Variants in HFM1 observed in about 807,000 individuals in gnomAD.
HFM1 encodes the protein probable ATP-dependent DNA helicase HFM1.
In HFM1, 169 loss-of-function variants were observed where a neutral mutation model predicts 192.1. That is an observed-to-expected ratio of 0.88 (90% confidence interval 0.78 to 1.00). HFM1 has a LOEUF of 1.00. HFM1 is among the 50% of genes least tolerant of loss of function. HFM1 has a pLI of 0.00. For synonymous variants in HFM1, 525 were observed against 537.8 expected (o/e 0.98, Z 0.33); for missense variants, 1,661 against 1,668.0 (o/e 1.00, Z 0.07).
chr1:91,392,026 G>T (rs1291311559), intron 4 of HFM1, among the ~76,000 whole-genome samples: 1 of 152,172 alleles, frequency 6.6e-6, no homozygotes, highest in African/African-American at 2.4e-5. Context: ...TCAGAGAAAT[G>T]AAAATCAAAA....
chr1:91,393,283 CA>C (rs768061860), intron 4 of HFM1, among the ~76,000 whole-genome samples: 10 of 152,102 alleles, frequency 6.6e-5, no homozygotes, highest in Non-Finnish European at 1.5e-4. Context: ...CTTTCTCTCT[CA>C]AACTCCACAG....
In HFM1 at chr1:91,267,733, G is replaced by C. The variant is rs1177088934; in HGVS notation, c.3883+12C>G. On this transcript the variant is annotated intron_variant, in intron 35 of 38. Transcript: ENST00000370425. Reference sequence around the variant, plus strand: ...TCCTAATGAAATGATTGCATGCTAAGTATGATTTTACCTGATATTTTTGTC... The same window carrying C: ...TCCTAATGAAATGATTGCATGCTAACTATGATTTTACCTGATATTTTTGTC... 8.7e-7 allele frequency: 1 copy of C among 1,145,300 alleles called. No homozygotes were observed. The highest frequency in any genetic ancestry group is 1.3e-6 in the Non-Finnish European group (1 of 799,978). The allele number at this position is 1,145,300 out of a possible 1,614,324, so 70.9% of individuals were successfully genotyped here. A position where few individuals can be genotyped will look rare whatever the true frequency, so the allele number is the denominator to read the frequency against.
chr1:91,351,695 A>G (rs1054798275), intron 16 of HFM1, 52 bp from the exon 17 acceptor site: 5 of 909,830 alleles, frequency 5.5e-6, no homozygotes, highest in African/African-American at 1.7e-5. Flanking sequence ...TCTTGGTAGC[A>G]GTCCTCTTCA....
chr1:91,264,574 C>G (rs1345385224), intron 36 of HFM1, among the ~76,000 whole-genome samples: 1 of 150,102 alleles, frequency 6.7e-6, no homozygotes, highest in Non-Finnish European at 1.5e-5. Context: ...GGGGTTTCAC[C>G]GTGTTAGCCA....
At chr1:91,354,132 A>G (rs1209292111) in intron 13 of HFM1, among the ~76,000 whole-genome samples, 3 of 151,812 alleles carry the variant, frequency 2.0e-5, no homozygotes, top group Admixed American at 2.0e-4. Context: ...TTATCTGCAC[A>G]AGAAAGTTAT....
chr1:91,304,907 T>C (rs1433482935), intron 30 of HFM1, among the ~76,000 whole-genome samples: 1 of 152,204 alleles, frequency 6.6e-6, no homozygotes, highest in African/African-American at 2.4e-5. Flanking sequence ...GCCCTATTAC[T>C]TGAAAAATTA....
At chr1:91,319,469 T>C in intron 23 of HFM1, 79 bp from the exon 24 acceptor site, 1 of 886,214 alleles carries the variant, frequency 1.1e-6, no homozygotes, top group Non-Finnish European at 1.8e-6. Flanking sequence ...CACTGAAGTA[T>C]TCCTTCTTAA....
intron 30 of HFM1, among the ~76,000 whole-genome samples, chr1:91,305,017 T>C (rs1649399201): frequency 6.6e-6 from 1 of 152,216 alleles, no homozygotes; most frequent in African/African-American, 2.4e-5. Context: ...TTGTATTCCA[T>C]TGATCTTTAT....
intron 23 of HFM1, among the ~76,000 whole-genome samples, chr1:91,321,896 A>T (rs1048157952): frequency 4.6e-5 from 7 of 152,222 alleles, no homozygotes. Flanking sequence ...GTGGAAAAAT[A>T]CTTGATTTAA....
chr1:91,363,787 A>C (rs984698274), intron 13 of HFM1, among the ~76,000 whole-genome samples: 2 of 152,192 alleles, frequency 1.3e-5, no homozygotes, highest in African/African-American at 2.4e-5. Context: ...AATCAACCTA[A>C]ATGCCCATCA....
chr1:91,320,131 T>C (rs1331070233), intron 23 of HFM1, among the ~76,000 whole-genome samples: 1 of 152,216 alleles, frequency 6.6e-6, no homozygotes, highest in Non-Finnish European at 1.5e-5. Context: ...ATTACTCTCT[T>C]AAGGGGATCT....
At chr1:91,373,175 A>G (rs1465755412) in intron 13 of HFM1, among the ~76,000 whole-genome samples, 1 of 151,352 alleles carries the variant, frequency 6.6e-6, no homozygotes, top group East Asian at 1.9e-4. Flanking sequence ...TGTAAAGAAG[A>G]CTAAATTGGC....
At chr1:91,321,810 GA>G (rs1652158096) in intron 23 of HFM1, among the ~76,000 whole-genome samples, 1 of 152,150 alleles carries the variant, frequency 6.6e-6, no homozygotes, top group Non-Finnish European at 1.5e-5. Context: ...TCAATCAAAA[GA>G]ATATACTACC....
chr1:91,290,754 T>G (rs1430226540), intron 30 of HFM1, among the ~76,000 whole-genome samples: 2 of 152,088 alleles, frequency 1.3e-5, no homozygotes, highest in African/African-American at 2.4e-5. Flanking sequence ...ATACATTTTT[T>G]TCAGCACCAC....
At chr1:91,384,200 T>C (rs1661896829) in intron 6 of HFM1, among the ~76,000 whole-genome samples, 1 of 152,206 alleles carries the variant, frequency 6.6e-6, no homozygotes, top group African/African-American at 2.4e-5. Context: ...TTCCTTACTT[T>C]ACCTGCCTTA....
chr1:91,359,979 G>C (rs1658281000), intron 13 of HFM1, among the ~76,000 whole-genome samples: 1 of 152,072 alleles, frequency 6.6e-6, no homozygotes, highest in Non-Finnish European at 1.5e-5. Context: ...CATTCTTAAA[G>C]AAAAAAATTT....
chr1:91,293,352 A>G (rs1669003629), intron 30 of HFM1, among the ~76,000 whole-genome samples: 1 of 152,216 alleles, frequency 6.6e-6, no homozygotes, highest in African/African-American at 2.4e-5. Context: ...AAACAAATTT[A>G]TAAGAAAAAA....
Position 91,261,314 on chromosome 1 carries a change from C to A in HFM1, c.4284G>T (p.Leu1428Phe). The A allele has an allele frequency of 7.1e-7, 1 of 1,411,676 alleles. No homozygotes were observed. The highest frequency in any genetic ancestry group is 9.4e-7 in the Non-Finnish European group (1 of 1,067,872). The allele number at this position is 1,411,676 out of a possible 1,614,324, so 87.4% of individuals were successfully genotyped here. A position where few individuals can be genotyped will look rare whatever the true frequency, so the allele number is the denominator to read the frequency against. The stretch of plus-strand genomic sequence containing the variant: ...TTTAGAAAATACCATCAAATATTCC[C>A]AATAAAGACTTCATTTCATCAGCTT... ...DDEADEMKSLLGIFDGIF is the reference protein window; with the variant it reads ...DDEADEMKSLFGIFDGIF The change falls in exon 39 of 39, where the codon TTG becomes TTT. Residue 1428 changes from leucine to phenylalanine, a missense_variant. Transcript: ENST00000370425.
chr1:91,350,836 T>C lies in HFM1; in HGVS notation c.2108A>G (p.Glu703Gly). Residue 703 changes from glutamate (E) to glycine (G), a missense_variant, in exon 18 of 39, where the codon GAG (glutamate) becomes GGG (glycine). Physicochemically the swap from Glu to Gly is moderately conservative, Grantham distance 98. Transcript: ENST00000370425. ...ATCCGTGATGGTATGCAGTACTATCTCTGCATTTAAATGTTCAATAAGATG... is the reference window on the plus strand; with the variant it reads ...ATCCGTGATGGTATGCAGTACTATCCCTGCATTTAAATGTTCAATAAGATG... ...HRHLIEHLNAEIVLHTITDVN... is the reference protein window; with the variant it reads ...HRHLIEHLNAGIVLHTITDVN... 6.3e-7 allele frequency: 1 copy of C among 1,592,418 alleles called. No homozygotes were observed.
Sources: gnomAD v4.1 joint callset for allele counts (sites outside exome capture counted in the v4.1 genomes callset) on GRCh38, gnomAD v4.1.1 for gene constraint, MANE v1.5 for transcripts, NCBI Gene and HGNC (gene_info 2026-07-23, HGNC 2026-07-21) for gene names.